DYRK1B: variants seen among roughly 807,000 people sequenced by gnomAD.
DYRK1B encodes dual specificity tyrosine phosphorylation regulated kinase 1B, also known as dual specificity tyrosine-phosphorylation-regulated kinase 1B.
Under a neutral mutation model 57.1 loss-of-function variants are expected in DYRK1B, and 20 were observed. The ratio of observed to expected loss-of-function variants is 0.35; its 90% confidence interval spans 0.25 to 0.51. The LOEUF (loss-of-function observed/expected upper bound fraction) is 0.51, where lower values mean the gene tolerates loss of function less well. DYRK1B is among the 20% of genes least tolerant of loss of function. The pLI is 0.96. For missense variants in DYRK1B, 732 were observed against 886.3 expected, an observed-to-expected ratio of 0.83 and a Z score of 2.21; for synonymous variants, 409 against 384.7, an observed-to-expected ratio of 1.06 and a Z score of -0.74.
chr19:39,825,567 C>T lies in DYRK1B; in HGVS notation c.*148G>A, dbSNP rs1438988671. On this transcript the variant is annotated 3_prime_UTR_variant, in exon 11 of 11. Transcript: ENST00000323039. ...CGGCCAAAACCCTCTCCTTGACCCC[C>T]CTGCCCCAGGCCCCAATCAGTGCAG... 1 of 811,160 alleles carries T rather than the reference C, an allele frequency of 1.2e-6. No individual in the cohort carries two copies. Among genetic ancestry groups the T allele is most frequent in the African/African-American group, 1.7e-5 (1 of 57,684 alleles). The allele number at this position is 811,160 out of a possible 1,614,324, so 50.2% of individuals were successfully genotyped here.
intron 4 of DYRK1B, 48 bp downstream of exon 4, chr19:39,830,327 T>G: frequency 6.2e-7 from 1 of 1,610,712 alleles, no homozygotes; most frequent in Non-Finnish European, 8.5e-7. Context: ...GGGTGTGTGA[T>G]CAATGTTAGT....
rs750377890 is a variant in DYRK1B, at chr19:39,826,127, C to T, written c.1519-41G>A. The T allele has an allele frequency of 5.8e-6, 9 of 1,560,722 alleles. No homozygotes were observed. The highest frequency in any genetic ancestry group is 7.8e-6 in the Non-Finnish European group (9 of 1,159,664). On this transcript the variant is annotated intron_variant, in intron 10 of 10. Transcript: ENST00000323039. The surrounding 1 kb of genome is among the most constrained non-coding windows in gnomAD (Gnocchi z 6.3). Reference sequence around the variant, plus strand: ...AGCCATGGGTGATGGAGACCCTGGTCTCTAAGCCCCAGGCACCACCACCCA... The same window carrying T: ...AGCCATGGGTGATGGAGACCCTGGTTTCTAAGCCCCAGGCACCACCACCCA...
chr19:39,826,805 C>T lies in DYRK1B; in HGVS notation c.1278G>A (p.Leu426=), dbSNP rs1276684340. 6.5e-7 allele frequency: 1 copy of T among 1,532,388 alleles called. No individual in the cohort carries two copies. The highest frequency in any genetic ancestry group is 2.4e-5 in the East Asian group (1 of 41,612). The allele number at this position is 1,532,388 out of a possible 1,614,324, so 94.9% of individuals were successfully genotyped here. ...PAARISPLGA[L]QHGFFRRTAD... ...CCGTGCGGCGGAAGAAGCCGTGCTG[C>T]AGAGCCCCCAGGGGGCTGATGCGGG... Residue 426 remains leucine (L), a synonymous_variant, in exon 9 of 11, where the codon CTG becomes CTA. Transcript: ENST00000323039. The surrounding 1 kb of genome is among the most constrained non-coding windows in gnomAD (Gnocchi z 6.3).
intron 6 of DYRK1B, 25 bp from the exon 7 acceptor site, chr19:39,827,681 G>A (rs1968604910): frequency 6.2e-7 from 1 of 1,606,440 alleles, no homozygotes. Flanking sequence ...ATCGTCAAGG[G>A]ACCCAGCCTC....
Position 39,826,214 on chromosome 19 carries a change from G to A in DYRK1B, c.1484C>T (p.Pro495Leu), listed in dbSNP as rs370142622. The change falls in exon 10 of 11, where the codon CCC (proline) becomes CTC (leucine). Residue 495 changes from proline to leucine, a missense_variant. Physicochemically the swap from Pro to Leu is moderately conservative, Grantham distance 98. This residue lies in a region of DYRK1B where 222 missense variants were observed against 205.0 expected (regional missense o/e 1.08). Coordinates refer to ENST00000323039, the MANE Select transcript of DYRK1B (RefSeq NM_004714.3). This position sits in a 1 kb window ranked among gnomAD's most constrained non-coding sequence, Gnocchi z 6.3. The stretch of plus-strand genomic sequence containing the variant: ...GTTCATCTCACAGTCTGTGATAGGG[G>A]GCCCAGGGCCCCCACAATATCGGTT... ...YSNRYCGGPG[P>L]PITDCEMNSP... 1.6e-4 allele frequency: 257 copies of A among 1,579,532 alleles called. No homozygotes were observed. The highest frequency in any genetic ancestry group is 2.1e-4 in the Non-Finnish European group (248 of 1,166,130).
At position 39,828,021 on chromosome 19, in the gene DYRK1B, G is replaced by C. The variant is rs189300673; in HGVS notation, c.807+276C>G. On this transcript the variant is annotated intron_variant, in intron 6 of 10. Coordinates refer to ENST00000323039, the MANE Select transcript of DYRK1B (RefSeq NM_004714.3). The surrounding 1 kb of genome is among the most constrained non-coding windows in gnomAD (Gnocchi z 4.3). ...ACCTCCATCCTCAGCTTTAAGAACA[G>C]AGAAGACAAAAACTTAGCGAGGCAG... 5.1e-4 allele frequency among the ~76,000 whole-genome samples: 78 copies of C among 152,240 alleles called. 1 individual carries two copies. The highest frequency in any genetic ancestry group is 5.1e-3 in the Admixed American group (78 of 15,298).
chr19:39,830,554 C>A lies in DYRK1B; in HGVS notation c.193G>T (p.Ala65Ser). 1 of 1,614,166 alleles carries A rather than the reference C, an allele frequency of 6.2e-7. No homozygotes were observed. ...TGCTGGGCCCGCCGCTTCTTCTTCGCATAGTATACCTGCCCAGCCAGCCAG... is the reference window on the plus strand; with the variant it reads ...TGCTGGGCCCGCCGCTTCTTCTTCGAATAGTATACCTGCCCAGCCAGCCAG... Reference protein sequence around the residue: ...TYKHINEVYYAKKKRRAQQAP... With the variant: ...TYKHINEVYYSKKKRRAQQAP... Residue 65 changes from alanine (A) to serine (S), a missense_variant, in exon 4 of 11, where the codon GCG becomes TCG. Ala to Ser is a moderately conservative substitution (Grantham distance 99). Around this residue, in one of 2 missense-constraint regions of DYRK1B, gnomAD observed 510 missense variants for 681.3 expected, o/e 0.75. Transcript: ENST00000323039.
At position 39,828,495 on chromosome 19, in the gene DYRK1B, G is replaced by A; in HGVS notation, c.609C>T (p.Asn203=). ...LSYNLYDLLR[N]THFRGVSLNL... Reference sequence around the variant, plus strand: ...TCAGCGAGACGCCGCGGAAGTGGGTGTTGCGCAGGAGGTCGTACAGGTTGT... The same window carrying A: ...TCAGCGAGACGCCGCGGAAGTGGGTATTGCGCAGGAGGTCGTACAGGTTGT... Residue 203 remains asparagine, a synonymous_variant, in exon 6 of 11, where the codon AAC becomes AAT. Coordinates refer to ENST00000323039, the MANE Select transcript of DYRK1B (RefSeq NM_004714.3). The surrounding 1 kb of genome is among the most constrained non-coding windows in gnomAD (Gnocchi z 4.3). The A allele has an allele frequency of 1.9e-6, 3 of 1,613,786 alleles. No individual in the cohort carries two copies. The highest frequency in any genetic ancestry group is 1.3e-5 in the African/African-American group (1 of 75,052).
Position 39,833,770 on chromosome 19 carries a change from T to A in DYRK1B, c.-102+253A>T, listed in dbSNP as rs1031431492. On this transcript the variant is annotated intron_variant, in intron 1 of 10. Transcript: ENST00000323039. ...GCGACGAAGAAGCGGCCCGCGGAGCTGAGCCCAAACAAAGGGCGGGAGTGG... is the reference window on the plus strand; with the variant it reads ...GCGACGAAGAAGCGGCCCGCGGAGCAGAGCCCAAACAAAGGGCGGGAGTGG... 2.6e-5 allele frequency: 4 copies of A among 152,464 alleles called. No individual in the cohort carries two copies. In the East Asian group the frequency reaches 7.7e-4, roughly 29 times the overall value. The allele number at this position is 152,464 out of a possible 1,614,324, so 9.4% of individuals were successfully genotyped here. A position where few individuals can be genotyped will look rare whatever the true frequency, so the allele number is the denominator to read the frequency against.
At chr19:39,832,010 G>A (rs1968840686) in intron 1 of DYRK1B, 42 bp from the exon 2 acceptor site, 1 of 1,406,302 alleles carries the variant, frequency 7.1e-7, no homozygotes, top group Non-Finnish European at 9.2e-7. Flanking sequence ...TGGAACAAGG[G>A]GATATGTGAA....
Position 39,829,931 on chromosome 19 carries a change from G to T in DYRK1B, c.469C>A (p.Arg157=). The part of the protein sequence containing the change: ...AFLNQAQIEL[R]LLELMNQHDT... ...TGCTGGTTCATCAGCTCCAGCAGCC[G>T]CAGCTCAATCTGGGCCTGGTTCAGG... The change falls in exon 5 of 11, where the codon CGG becomes AGG. Residue 157 remains arginine, a synonymous_variant. Coordinates refer to ENST00000323039, the MANE Select transcript of DYRK1B (RefSeq NM_004714.3). The T allele has an allele frequency of 6.2e-7, 1 of 1,614,054 alleles. No individual in the cohort carries two copies. The highest frequency in any genetic ancestry group is 8.5e-7 in the Non-Finnish European group (1 of 1,180,032).
In DYRK1B at chr19:39,828,283, G is replaced by T; in HGVS notation, c.807+14C>A. The T allele has an allele frequency of 1.2e-6, 2 of 1,612,644 alleles. No homozygotes were observed. The highest frequency in any genetic ancestry group is 2.2e-5 in the East Asian group (1 of 44,876). On this transcript the variant is annotated intron_variant, in intron 6 of 10. Coordinates refer to ENST00000323039, the MANE Select transcript of DYRK1B (RefSeq NM_004714.3). The surrounding 1 kb of genome is among the most constrained non-coding windows in gnomAD (Gnocchi z 4.3). ...AACTACTAGCCGTGCTCCCAGGACC[G>T]GGCCGCCCCCTACCCTCTGGCCAAG...
At position 39,826,593 on chromosome 19, in the gene DYRK1B, A is replaced by T; in HGVS notation, c.1411+79T>A. On this transcript the variant is annotated intron_variant, in intron 9 of 10. Coordinates refer to ENST00000323039, the MANE Select transcript of DYRK1B (RefSeq NM_004714.3). The surrounding 1 kb of genome is among the most constrained non-coding windows in gnomAD (Gnocchi z 6.3). ...GTTTCGGCGCTTTGTGTGAAGACCCAGTAACCAGGTCCCCCAGGACAGGCC... is the reference window on the plus strand; with the variant it reads ...GTTTCGGCGCTTTGTGTGAAGACCCTGTAACCAGGTCCCCCAGGACAGGCC... The T allele has an allele frequency of 7.1e-7, 1 of 1,414,614 alleles. No individual in the cohort carries two copies. Among genetic ancestry groups the T allele is most frequent in the Non-Finnish European group, 9.3e-7 (1 of 1,071,310 alleles). The allele number at this position is 1,414,614 out of a possible 1,614,324, so 87.6% of individuals were successfully genotyped here. A position where few individuals can be genotyped will look rare whatever the true frequency, so the allele number is the denominator to read the frequency against.
At position 39,827,426 on chromosome 19, in the gene DYRK1B, C is replaced by T; in HGVS notation, c.955-1G>A. 6.2e-7 allele frequency: 1 copy of T among 1,611,504 alleles called. No individual in the cohort carries two copies. The highest frequency in any genetic ancestry group is 8.5e-7 in the Non-Finnish European group (1 of 1,177,912). On this transcript the variant is annotated splice_acceptor_variant, in intron 7 of 10. Coordinates refer to ENST00000323039, the MANE Select transcript of DYRK1B (RefSeq NM_004714.3). LOFTEE classifies it high-confidence loss of function. Reference sequence around the variant, plus strand: ...CCACAATGCGGTTCATCTGGTCGACCTGTGAGCAGGCAGGGGTCAAGGTCA... The same window carrying T: ...CCACAATGCGGTTCATCTGGTCGACTTGTGAGCAGGCAGGGGTCAAGGTCA...
Position 39,825,903 on chromosome 19 carries a change from G to A in DYRK1B, c.1702C>T (p.Leu568=). The A allele has an allele frequency of 1.3e-6, 2 of 1,571,252 alleles. No homozygotes were observed. The highest frequency in any genetic ancestry group is 1.2e-5 in the South Asian group (1 of 83,802). Residue 568 remains leucine (L), a synonymous_variant, in exon 11 of 11, where the codon CTG becomes TTG. Transcript: ENST00000323039. ...GAGCAGTCAGCAGGGCCGCCCACCA[G>A]GCTCACATCCATCAGCTCCGGGGGT... ...PPPPELMDVS[L]VGGPADCSPP... is the part of the protein sequence containing the mutation.
rs537545225 is a variant in DYRK1B, at chr19:39,832,098, G to C, written c.-101-130C>G. On this transcript the variant is annotated intron_variant, in intron 1 of 10. Transcript: ENST00000323039. The stretch of plus-strand genomic sequence containing the variant: ...AGGAAAAGGGCACAACGGAGCAGCA[G>C]ATAGCAATGAAGAGAAGGGGCAGAG... The C allele has an allele frequency of 4.4e-3, 4,593 of 1,040,894 alleles. 13 individuals are homozygous for C. Among genetic ancestry groups the C allele is most frequent in the Middle Eastern group, 5.8e-3 (17 of 2,948 alleles). The allele number at this position is 1,040,894 out of a possible 1,614,324, so 64.5% of individuals were successfully genotyped here.
At chr19:39,830,631 C>G in intron 3 of DYRK1B, 33 bp downstream of exon 3, 1 of 1,612,806 alleles carries the variant, frequency 6.2e-7, no homozygotes, top group East Asian at 2.2e-5. Flanking sequence ...AGACCCTCGG[C>G]ACCCAGCCCA....
chr19:39,832,840 G>T (rs1968882584), intron 1 of DYRK1B: 2 of 892,146 alleles, frequency 2.2e-6, no homozygotes, highest in South Asian at 5.1e-5. Flanking sequence ...TCCCAATCAA[G>T]GCCCACTCCT....
intron 1 of DYRK1B, among the ~76,000 whole-genome samples, chr19:39,832,355 C>T (rs541507515): frequency 6.6e-6 from 1 of 152,212 alleles, no homozygotes; most frequent in East Asian, 1.9e-4. Flanking sequence ...TCATTCTTTT[C>T]TCACTACTCG....
Sources: gnomAD v4.1 joint callset for allele counts (sites outside exome capture counted in the v4.1 genomes callset) on GRCh38, gnomAD v4.1.1 for gene constraint, gnomAD v4.1.1 regional missense constraint, Gnocchi (gnomAD v3.1) non-coding constraint, MANE v1.5 for transcripts, NCBI Gene and HGNC (gene_info 2026-07-23, HGNC 2026-07-21) for gene names.